The following GALNT2 variants were observed in gnomAD, a reference collection of about 807,000 sequenced individuals.
GALNT2 encodes the protein UDP-GalNAc:polypeptide N-acetylgalactosaminyltransferase 2.
A neutral mutation model predicts 81.4 loss-of-function variants in GALNT2; 31 were observed. The ratio of observed to expected loss-of-function variants is 0.38; its 90% CI spans 0.29 to 0.51. The LOEUF (loss-of-function observed/expected upper bound fraction) is 0.51. Ranked by LOEUF, GALNT2 falls within the 20% of genes least tolerant of loss-of-function variation. GALNT2 has a pLI of 0.87. For synonymous variants in GALNT2, 303 were observed against 287.4 expected (o/e 1.05, Z -0.55); for missense variants, 629 against 765.7 (o/e 0.82, Z 2.11).
At chr1:230,143,095 C>T (rs1327322953) in intron 1 of GALNT2, among the ~76,000 whole-genome samples, 4 of 152,174 alleles carry the variant, frequency 2.6e-5, no homozygotes, top group Non-Finnish European at 5.9e-5. Context: ...ATGGTGCTGG[C>T]TCCTCTAGGC....
chr1:230,105,574 C>G (rs1340793877), intron 1 of GALNT2, among the ~76,000 whole-genome samples: 3 of 152,112 alleles, frequency 2.0e-5, no homozygotes, highest in Admixed American at 2.0e-4. Context: ...TGTGTAAGCT[C>G]CTGTGGGAAC....
Position 230,257,119 on chromosome 1 carries a change from G to A in GALNT2, c.1136+1775G>A, listed in dbSNP as rs969558156. 3.9e-5 allele frequency among the ~76,000 whole-genome samples: 6 copies of A among 152,250 alleles called. No individual in the cohort carries two copies. The East Asian group carries it at 7.7e-4, about 20-fold the overall frequency. On this transcript the variant is annotated intron_variant, in intron 11 of 15. Transcript: ENST00000366672. This position sits in a 1 kb window ranked among gnomAD's most constrained non-coding sequence, Gnocchi z 4.6. Reference sequence around the variant, plus strand: ...AGGGGCAGAAGAGCTAGACAGGCCCGGGCCATGCACCTTTGCAGGTCATGG... The same window carrying A: ...AGGGGCAGAAGAGCTAGACAGGCCCAGGCCATGCACCTTTGCAGGTCATGG...
At chr1:230,111,733 T>G (rs1183743109) in intron 1 of GALNT2, among the ~76,000 whole-genome samples, 1 of 152,142 alleles carries the variant, frequency 6.6e-6, no homozygotes, top group Non-Finnish European at 1.5e-5. Flanking sequence ...TGAACACTGG[T>G]TCACTCGGGA....
At chr1:230,069,717 G>A (rs1659316509) in intron 1 of GALNT2, among the ~76,000 whole-genome samples, 1 of 151,730 alleles carries the variant, frequency 6.6e-6, no homozygotes, top group Admixed American at 6.6e-5. Flanking sequence ...AAAAAAATGT[G>A]GTTTGTTTGG....
chr1:230,207,828 G>T (rs145464657), intron 3 of GALNT2, among the ~76,000 whole-genome samples: 1 of 152,098 alleles, frequency 6.6e-6, no homozygotes, highest in African/African-American at 2.4e-5. Flanking sequence ...CAATTCTCCC[G>T]CCTTGGCCTC....
intron 1 of GALNT2, among the ~76,000 whole-genome samples, chr1:230,105,701 G>T (rs1014162308): frequency 6.6e-6 from 1 of 152,146 alleles, no homozygotes; most frequent in Non-Finnish European, 1.5e-5. Context: ...TCACTGTGGG[G>T]CTTCAGAGAA....
chr1:230,248,544 C>T (rs1395441429), intron 8 of GALNT2, among the ~76,000 whole-genome samples: 1 of 152,198 alleles, frequency 6.6e-6, no homozygotes, highest in African/African-American at 2.4e-5. Context: ...GGTCTAGGCT[C>T]TTCTATCCTC....
chr1:230,093,224 TGA>T (rs1660146526), intron 1 of GALNT2, among the ~76,000 whole-genome samples: 1 of 152,222 alleles, frequency 6.6e-6, no homozygotes, highest in South Asian at 2.1e-4. Flanking sequence ...AACATTTTCT[TGA>T]GAGAGAGAAA....
intron 1 of GALNT2, among the ~76,000 whole-genome samples, chr1:230,068,016 C>G (rs1316590125): frequency 4.6e-5 from 7 of 152,208 alleles, no homozygotes; most frequent in Admixed American, 4.6e-4. Flanking sequence ...CCCTGCGCCC[C>G]GAGCGAGGCC....
chr1:230,249,785 C>T (rs775990836), intron 9 of GALNT2, among the ~76,000 whole-genome samples: 3 of 152,298 alleles, frequency 2.0e-5, no homozygotes, highest in Non-Finnish European at 2.9e-5. Flanking sequence ...AGTTGGCACA[C>T]GGTTAAGTGA....
At chr1:230,116,419 G>A (rs952077270) in intron 1 of GALNT2, among the ~76,000 whole-genome samples, 2 of 151,602 alleles carry the variant, frequency 1.3e-5, no homozygotes, top group African/African-American at 4.9e-5. Flanking sequence ...TAGTAGAGAC[G>A]GGGTTTCACC....
chr1:230,106,151 C>G (rs142048253), intron 1 of GALNT2, among the ~76,000 whole-genome samples: 2 of 152,314 alleles, frequency 1.3e-5, no homozygotes, highest in African/African-American at 2.4e-5. Flanking sequence ...CAGGCATTGT[C>G]CGCTCTGTTT....
Position 230,179,171 on chromosome 1 carries a change from G to T in GALNT2, c.220+860G>T, listed in dbSNP as rs115933294. On this transcript the variant is annotated intron_variant, in intron 2 of 15. Transcript: ENST00000366672. ...TTTCTTAATGAATTAACATTCCATT[G>T]TCTGGGTGTATTAGTTTGTTTATTC... Among the ~76,000 whole-genome samples the T allele has an allele frequency of 3.3e-3, 504 of 151,736 alleles. 6 individuals are homozygous for T. The highest frequency in any genetic ancestry group is 6.8e-3 in the Middle Eastern group (2 of 292).
At chr1:230,129,404 A>C (rs1401175584) in intron 1 of GALNT2, among the ~76,000 whole-genome samples, 2 of 152,168 alleles carry the variant, frequency 1.3e-5, no homozygotes, top group Non-Finnish European at 2.9e-5. Context: ...TGAGGCTTCA[A>C]ACTCCTGGGC....
chr1:230,170,274 T>A (rs2102856341), intron 1 of GALNT2, among the ~76,000 whole-genome samples: 1 of 152,354 alleles, frequency 6.6e-6, no homozygotes, highest in South Asian at 2.1e-4. Context: ...TGGCTACTTC[T>A]GCTACATGGG....
intron 3 of GALNT2, among the ~76,000 whole-genome samples, chr1:230,232,151 T>C (rs1664884024): frequency 6.6e-6 from 1 of 152,186 alleles, no homozygotes; most frequent in Non-Finnish European, 1.5e-5. Context: ...GACCCCACCT[T>C]CTTGGCTCAA....
intron 1 of GALNT2, among the ~76,000 whole-genome samples, chr1:230,174,956 TCTACGCGGGGC>T (rs1662914129): frequency 6.6e-6 from 1 of 152,220 alleles, no homozygotes; most frequent in Non-Finnish European, 1.5e-5. Context: ...GGGGCCCTGT[TCTACGCGGGGC>T]CTGTGCCTCT....
intron 3 of GALNT2, among the ~76,000 whole-genome samples, chr1:230,222,562 C>T (rs941260831): frequency 2.0e-5 from 3 of 152,074 alleles, no homozygotes; most frequent in African/African-American, 7.2e-5. Context: ...GAAAGAGTTT[C>T]AAAATCGTAA....
chr1:230,120,548 C>T (rs369188817), intron 1 of GALNT2, among the ~76,000 whole-genome samples: 1 of 152,202 alleles, frequency 6.6e-6, no homozygotes, highest in Non-Finnish European at 1.5e-5. Context: ...GGCCTCTCCC[C>T]TCCAGTGTCG....
Sources: gnomAD v4.1 joint callset for allele counts (sites outside exome capture counted in the v4.1 genomes callset) on GRCh38, gnomAD v4.1.1 for gene constraint, Gnocchi (gnomAD v3.1) non-coding constraint, MANE v1.5 for transcripts, NCBI Gene and HGNC (gene_info 2026-07-23, HGNC 2026-07-21) for gene names.